THSD7A: variants seen among roughly 807,000 people sequenced by gnomAD.
The protein encoded by THSD7A is thrombospondin type-1 domain-containing protein 7A.
THSD7A carries 96 observed loss-of-function variants against 231.3 expected under a neutral mutation model. The observed-to-expected ratio is 0.41, with a 90% CI of 0.35 to 0.49. The LOEUF is 0.49. Among genes scored for constraint, THSD7A ranks in the 20% least tolerant of loss-of-function variants. The pLI, the probability that THSD7A is intolerant of heterozygous loss-of-function variation, is 0.05. For missense variants in THSD7A, 2,290 were observed against 2,070.2 expected (o/e 1.11, Z -2.06); for synonymous variants, 940 against 743.3 (o/e 1.26, Z -4.30).
chr7:11,782,429 C>A (rs557263618), intron 1 of THSD7A, among the ~76,000 whole-genome samples: 3 of 152,256 alleles, frequency 2.0e-5, no homozygotes, highest in African/African-American at 7.2e-5. Context: ...ACATGACACA[C>A]ACACAGAAAA....
chr7:11,449,084 T>C (rs944309823), intron 11 of THSD7A, among the ~76,000 whole-genome samples: 1 of 152,090 alleles, frequency 6.6e-6, no homozygotes, highest in Non-Finnish European at 1.5e-5. Context: ...GGCTGCAGAT[T>C]ATAATCCCCT....
rs369675009 is a variant in THSD7A at position 11,475,831 on chromosome 7, T to C, written c.2018-1263A>G. Among the ~76,000 whole-genome samples, 41 of 151,086 alleles carry C rather than the reference T, an allele frequency of 2.7e-4. 2 individuals carry two copies. In the South Asian group the frequency reaches 8.3e-3, roughly 31 times the overall value. ...AAAAAAATGACATAATTTATTTCCA[T>C]CTGCATCTATTCTCTGCTTGTATAA... On this transcript the variant is annotated intron_variant, in intron 7 of 27. Coordinates refer to ENST00000423059, the MANE Select transcript of THSD7A (RefSeq NM_015204.3).
intron 6 of THSD7A, among the ~76,000 whole-genome samples, chr7:11,528,089 C>A (rs1476624765): frequency 6.6e-6 from 1 of 152,052 alleles, no homozygotes; most frequent in African/African-American, 2.4e-5. Flanking sequence ...ATCATTTGAG[C>A]CCAGGAGTTT....
chr7:11,534,036 C>T (rs1788815205), intron 6 of THSD7A, among the ~76,000 whole-genome samples: 1 of 152,110 alleles, frequency 6.6e-6, no homozygotes, highest in African/African-American at 2.4e-5. Context: ...TTGTTCTTTT[C>T]ATTCACAGAC....
At chr7:11,588,867 T>C (rs1780033933) in intron 4 of THSD7A, among the ~76,000 whole-genome samples, 1 of 152,204 alleles carries the variant, frequency 6.6e-6, no homozygotes, top group Non-Finnish European at 1.5e-5. Context: ...TTATGTTACT[T>C]CCTTATAACC....
chr7:11,791,088 T>A (rs982205224), intron 1 of THSD7A, among the ~76,000 whole-genome samples: 1 of 151,956 alleles, frequency 6.6e-6, no homozygotes, highest in African/African-American at 2.4e-5. Flanking sequence ...CAAGAGCAAG[T>A]ATAAAGGAAA....
intron 1 of THSD7A, among the ~76,000 whole-genome samples, chr7:11,674,578 C>T (rs932917105): frequency 1.3e-5 from 2 of 152,102 alleles, no homozygotes; most frequent in South Asian, 2.1e-4. Flanking sequence ...AACAAAGGAA[C>T]CTGTACAGAG....
chr7:11,534,433 T>G (rs1056483306), intron 6 of THSD7A, among the ~76,000 whole-genome samples: 2 of 152,134 alleles, frequency 1.3e-5, no homozygotes, highest in Non-Finnish European at 2.9e-5. Context: ...TGATCTAGCT[T>G]ATTGGAGGAT....
At position 11,769,141 on chromosome 7, in the gene THSD7A, A is replaced by ATTTTTTT. The variant is rs1562541275; in HGVS notation, c.190+62615_190+62616insAAAAAAA. On this transcript the variant is annotated intron_variant, in intron 1 of 27. Transcript: ENST00000423059. Reference sequence around the variant, plus strand: ...CCTGGCAATATATATATATATATATATATATATATATATTTTTTTTTTTTT... The same window carrying ATTTTTTT: ...CCTGGCAATATATATATATATATATATTTTTTTTATATATATATATTTTTTTTTTTTT... 5.7e-5 allele frequency among the ~76,000 whole-genome samples: 2 copies of ATTTTTTT among 34,974 alleles called. 1 individual carries two copies. The highest frequency in any genetic ancestry group is 7.8e-4 in the Admixed American group (2 of 2,568). 22.9% of individuals were successfully genotyped at this position (34,974 alleles called of 152,430 possible). A position where few individuals can be genotyped will look rare whatever the true frequency, so the allele number is the denominator to read the frequency against.
At chr7:11,519,108 T>G (rs1450762142) in intron 6 of THSD7A, among the ~76,000 whole-genome samples, 5 of 152,194 alleles carry the variant, frequency 3.3e-5, no homozygotes, top group Non-Finnish European at 7.3e-5. Context: ...TTTAATTTTT[T>G]GGTTTATATA....
chr7:11,463,949 A>G (rs1785600238), intron 9 of THSD7A, among the ~76,000 whole-genome samples: 1 of 152,108 alleles, frequency 6.6e-6, no homozygotes, highest in Non-Finnish European at 1.5e-5. Flanking sequence ...CAATCTGTAA[A>G]GAATCCATTG....
chr7:11,378,837 G>T, intron 26 of THSD7A: 2 of 503,816 alleles, frequency 4.0e-6, no homozygotes, highest in Non-Finnish European at 3.5e-6. Flanking sequence ...GAATTATATT[G>T]ATCCAAAATT....
At chr7:11,785,520 T>C (rs768122832) in intron 1 of THSD7A, among the ~76,000 whole-genome samples, 1 of 152,152 alleles carries the variant, frequency 6.6e-6, no homozygotes, top group Non-Finnish European at 1.5e-5. Context: ...TGTGGTGTTT[T>C]ACAGTGTGTG....
chr7:11,457,324 G>C (rs182737839), intron 11 of THSD7A, among the ~76,000 whole-genome samples: 84 of 151,990 alleles, frequency 5.5e-4, no homozygotes, highest in Non-Finnish European at 9.4e-4. Context: ...TTTAGACCTA[G>C]AATTTTCACC....
chr7:11,563,327 CCT>C (rs1491340387), intron 4 of THSD7A, among the ~76,000 whole-genome samples: 3 of 152,040 alleles, frequency 2.0e-5, no homozygotes, highest in African/African-American at 7.2e-5. Flanking sequence ...CCCTGCCAGT[CCT>C]TTTTAGCTAC....
chr7:11,622,450 C>A (rs1175404264), intron 2 of THSD7A, among the ~76,000 whole-genome samples: 2 of 151,976 alleles, frequency 1.3e-5, no homozygotes, highest in Non-Finnish European at 2.9e-5. Flanking sequence ...TTACAATAAT[C>A]CTGACACATA....
At chr7:11,729,499 A>T (rs1210428725) in intron 1 of THSD7A, among the ~76,000 whole-genome samples, 1 of 151,826 alleles carries the variant, frequency 6.6e-6, no homozygotes, top group East Asian at 1.9e-4. Flanking sequence ...AGAAATATTT[A>T]AAAATAAACA....
At chr7:11,382,730 T>A in intron 23 of THSD7A, 114 bp from the exon 24 acceptor site, 3 of 830,660 alleles carry the variant, frequency 3.6e-6, no homozygotes, top group Non-Finnish European at 5.8e-6. Flanking sequence ...CTCTGATGAT[T>A]CAAATGTCAA....
chr7:11,636,599 G>A lies in THSD7A; in HGVS notation c.553C>T (p.Gln185Ter). Residue 185 changes from glutamine to a stop codon, truncating the protein, a stop_gained, in exon 2 of 28, where the codon CAG becomes TAG. Transcript: ENST00000423059. LOFTEE classifies it high-confidence loss of function. This position sits in a 1 kb window ranked among gnomAD's most constrained non-coding sequence, Gnocchi z 10.0. ...EYFEPKPLLE[Q>*]ACLIPCQQDC... ...TGCTGGCAAGGAATGAGGCAAGCCT[G>A]CTCCAGGAGAGGCTTGGGCTCAAAG... 6.2e-7 allele frequency: 1 copy of A among 1,614,026 alleles called. No homozygotes were observed. Among genetic ancestry groups the A allele is most frequent in the Non-Finnish European group, 8.5e-7 (1 of 1,179,896 alleles).
Sources: gnomAD v4.1 joint callset for allele counts (sites outside exome capture counted in the v4.1 genomes callset) on GRCh38, gnomAD v4.1.1 for gene constraint, Gnocchi (gnomAD v3.1) non-coding constraint, MANE v1.5 for transcripts, NCBI Gene and HGNC (gene_info 2026-07-23, HGNC 2026-07-21) for gene names.